Variants in MYH11 observed in about 807,000 individuals in gnomAD.
The protein encoded by MYH11 is myosin heavy chain 11, also known as myosin-11.
A neutral mutation model predicts 246.6 loss-of-function variants in MYH11; 80 were observed. The ratio of observed to expected loss-of-function variants is 0.32; its 90% CI spans 0.27 to 0.39. MYH11 has a LOEUF of 0.39. Among genes scored for constraint, MYH11 ranks in the 10% least tolerant of loss-of-function variants. The pLI is 1.00. For missense variants in MYH11, 2,158 were observed against 2,546.8 expected, an observed-to-expected ratio of 0.85 and a Z score of 3.29; for synonymous variants, 1,071 against 1,015.5, an observed-to-expected ratio of 1.05 and a Z score of -1.04.
At chr16:15,772,398 A>G (rs2042125074) in intron 8 of MYH11, among the ~76,000 whole-genome samples, 1 of 152,012 alleles carries the variant, frequency 6.6e-6, no homozygotes, top group African/African-American at 2.4e-5. Flanking sequence ...GGCCTTATTC[A>G]TGTATTTATA....
At chr16:15,776,016 C>A in intron 8 of MYH11, 62 bp downstream of exon 8, 1 of 1,253,790 alleles carries the variant, frequency 8.0e-7, no homozygotes, top group Non-Finnish European at 1.2e-6. Context: ...TCCCTTAACC[C>A]CGGATTCTGA....
chr16:15,855,630 G>T (rs2044445342), intron 1 of MYH11, among the ~76,000 whole-genome samples: 1 of 152,198 alleles, frequency 6.6e-6, no homozygotes, highest in Non-Finnish European at 1.5e-5. Context: ...TGTTGCAACA[G>T]CATGTGGCAC....
intron 3 of MYH11, among the ~76,000 whole-genome samples, chr16:15,816,698 G>C (rs1319537586): frequency 6.6e-6 from 1 of 151,766 alleles, no homozygotes; most frequent in Non-Finnish European, 1.5e-5. Context: ...ATCTTTCATG[G>C]AGGAAAGTCA....
rs149249462 is a variant in MYH11 at position 15,759,357 on chromosome 16, C to T, written c.1401+219G>A. On this transcript the variant is annotated intron_variant, in intron 12 of 40. Coordinates refer to ENST00000300036, the MANE Select transcript of MYH11 (RefSeq NM_002474.3). ...ATGGCGGGAGATCAGACCCTGCCTA[C>T]GGGATCCAGCTACATGTCTGGCCTT... Among the ~76,000 whole-genome samples the T allele has an allele frequency of 4.8e-3, 723 of 152,176 alleles. 4 individuals carry two copies. The highest frequency in any genetic ancestry group is 0.017 in the African/African-American group (688 of 41,530).
At chr16:15,759,769 G>T in intron 11 of MYH11, 41 bp from the exon 12 acceptor site, 1 of 1,611,580 alleles carries the variant, frequency 6.2e-7, no homozygotes. Flanking sequence ...TTCTCAATGG[G>T]CTCCATTTTC....
chr16:15,704,554 C>G (rs1241197481), intron 40 of MYH11, among the ~76,000 whole-genome samples: 1 of 152,186 alleles, frequency 6.6e-6, no homozygotes, highest in Non-Finnish European at 1.5e-5. Flanking sequence ...AGAGAACATA[C>G]TGTTTTTCTT....
At chr16:15,738,742 CTA>C (rs2041193667) in intron 23 of MYH11, 54 bp from the exon 24 acceptor site, 4 of 1,590,488 alleles carry the variant, frequency 2.5e-6, no homozygotes, top group Middle Eastern at 1.7e-4. Context: ...TCTCTAGAAT[CTA>C]TGTTTCACTT....
At chr16:15,809,149 CT>C (rs2043082152) in intron 3 of MYH11, among the ~76,000 whole-genome samples, 1 of 152,188 alleles carries the variant, frequency 6.6e-6, no homozygotes, top group Non-Finnish European at 1.5e-5. Flanking sequence ...TCTGGACCTC[CT>C]CTACTTAGCA....
chr16:15,742,622 T>C (rs1032865592), intron 20 of MYH11, among the ~76,000 whole-genome samples: 2 of 151,848 alleles, frequency 1.3e-5, no homozygotes, highest in African/African-American at 2.4e-5. Flanking sequence ...TCCCAGCTAG[T>C]GAGGGGTCTG....
chr16:15,828,008 G>C (rs1170412319), intron 2 of MYH11, among the ~76,000 whole-genome samples: 2 of 152,298 alleles, frequency 1.3e-5, no homozygotes, highest in Admixed American at 6.5e-5. Flanking sequence ...TTGAATGTAG[G>C]TATCATTTAC....
chr16:15,769,780 A>G (rs751086083), intron 9 of MYH11, among the ~76,000 whole-genome samples: 4 of 152,208 alleles, frequency 2.6e-5, no homozygotes, highest in Admixed American at 2.6e-4. Context: ...CAATGATTTA[A>G]TAAACCCTCT....
rs150626022 is a variant in MYH11 at position 15,846,297 on chromosome 16, C to T, written c.-17-8028G>A. ...AATCAGGTGAAGTAAACTACAGCTCCACACCACAAAAAAGGACATCTCACA... is the reference window on the plus strand; with the variant it reads ...AATCAGGTGAAGTAAACTACAGCTCTACACCACAAAAAAGGACATCTCACA... On this transcript the variant is annotated intron_variant, in intron 1 of 40. Transcript: ENST00000300036. Among the ~76,000 whole-genome samples the T allele has an allele frequency of 2.6e-3, 394 of 152,170 alleles. 1 individual carries two copies. The highest frequency in any genetic ancestry group is 9.1e-3 in the African/African-American group (379 of 41,526).
intron 13 of MYH11, among the ~76,000 whole-genome samples, chr16:15,757,581 A>T (rs2041761401): frequency 6.7e-6 from 1 of 149,862 alleles, no homozygotes; most frequent in African/African-American, 2.4e-5. Context: ...GGGAAGAAAA[A>T]AAGGAAGAAA....
chr16:15,818,682 C>G (rs1217040132), intron 3 of MYH11, among the ~76,000 whole-genome samples: 2 of 152,116 alleles, frequency 1.3e-5, no homozygotes, highest in African/African-American at 2.4e-5. Flanking sequence ...ATGATCCCCC[C>G]ACCTTGGCCT....
At chr16:15,820,980 C>T (rs2043395086) in intron 3 of MYH11, among the ~76,000 whole-genome samples, 1 of 152,210 alleles carries the variant, frequency 6.6e-6, no homozygotes. Flanking sequence ...TCAAGCGATC[C>T]TCCCACCTCA....
intron 15 of MYH11, among the ~76,000 whole-genome samples, chr16:15,752,654 G>A (rs780208430): frequency 6.6e-6 from 1 of 152,166 alleles, no homozygotes; most frequent in Non-Finnish European, 1.5e-5. Flanking sequence ...TGAGGTGGGC[G>A]GATCACCTGA....
Position 15,731,195 on chromosome 16 carries a change from G to A in MYH11, c.3651+1369C>T, listed in dbSNP as rs141589831. 8.0e-3 allele frequency among the ~76,000 whole-genome samples: 1,218 copies of A among 152,234 alleles called. 21 individuals are homozygous for A. Among genetic ancestry groups the A allele is most frequent in the African/African-American group, 0.027 (1,134 of 41,546 alleles). ...TTTTAAGTTTCATTTAAATCTCCCC[G>A]AAAGTGTTGTTACACCTTTGCTTAT... is the stretch of plus-strand genomic sequence containing the variant. On this transcript the variant is annotated intron_variant, in intron 27 of 40. Transcript: ENST00000300036.
At chr16:15,793,402 C>G (rs567681841) in intron 4 of MYH11, among the ~76,000 whole-genome samples, 4 of 152,032 alleles carry the variant, frequency 2.6e-5, no homozygotes, top group Admixed American at 2.0e-4. Context: ...AAGTGATCCT[C>G]CCTCCCCAAC....
rs769560489 is a variant in MYH11 at position 15,748,121 on chromosome 16, A to G, written c.2106T>C (p.Asn702=). 8 of 1,613,982 alleles carry G rather than the reference A, an allele frequency of 5.0e-6. No homozygotes were observed. In the South Asian group the frequency reaches 5.5e-5, roughly 11 times the overall value. Residue 702 remains asparagine, a synonymous_variant, in exon 17 of 41, where the codon AAT becomes AAC. Transcript: ENST00000300036. ...AGATGCGAATGCCTTCCAGCACCCC[A>G]TTGCACCGCAGCTGCTCCAGCACCA... ...AFLVLEQLRC[N]GVLEGIRICR... is the part of the protein sequence containing the mutation.
Sources: gnomAD v4.1 joint callset for allele counts (sites outside exome capture counted in the v4.1 genomes callset) on GRCh38, gnomAD v4.1.1 for gene constraint, MANE v1.5 for transcripts, NCBI Gene and HGNC (gene_info 2026-07-23, HGNC 2026-07-21) for gene names.